The following SH3RF3 variants were observed in gnomAD, a reference collection of about 807,000 sequenced individuals.
SH3RF3 encodes SH3 domain containing ring finger 3.
In SH3RF3, 29 loss-of-function variants were observed where a neutral mutation model predicts 66.3. That is an observed-to-expected ratio of 0.44 (90% CI 0.33 to 0.60). The LOEUF is 0.60. Among genes scored for constraint, SH3RF3 ranks in the 20% least tolerant of loss-of-function variants. The pLI is 0.04. For missense variants in SH3RF3, 1,194 were observed against 1,190.9 expected (o/e 1.00, Z -0.04); for synonymous variants, 583 against 532.0 (o/e 1.10, Z -1.32).
At chr2:109,491,487 G>GTTC (rs1558644043) in intron 9 of SH3RF3, among the ~76,000 whole-genome samples, 6 of 152,134 alleles carry the variant, frequency 3.9e-5, no homozygotes, top group Non-Finnish European at 8.8e-5. Context: ...CATTCATTTC[G>GTTC]ATGCTTACTA....
chr2:109,404,677 G>GC (rs1470515339), intron 4 of SH3RF3, among the ~76,000 whole-genome samples: 3 of 152,212 alleles, frequency 2.0e-5, no homozygotes, highest in Admixed American at 2.0e-4. Context: ...CCCACCGGGT[G>GC]CCCCCTCCCA....
chr2:109,297,281 C>T (rs763425636), intron 1 of SH3RF3, among the ~76,000 whole-genome samples: 6 of 152,098 alleles, frequency 3.9e-5, no homozygotes, highest in African/African-American at 9.7e-5. Flanking sequence ...AAATGCTGTA[C>T]GTAACAGAGA....
Position 109,347,784 on chromosome 2 carries a change from TG to T in SH3RF3, c.685del (p.Glu229AsnfsTer41). 1 of 1,613,978 alleles carries T rather than the reference TG, an allele frequency of 6.2e-7. No homozygotes were observed. Among genetic ancestry groups the T allele is most frequent in the Non-Finnish European group, 8.5e-7 (1 of 1,179,884 alleles). On this transcript the variant is annotated frameshift_variant, in exon 2 of 10. Transcript: ENST00000309415. LOFTEE classifies it high-confidence loss of function. ...TCATCGTCCTGCGGCGCAAGGTGGA[TG>T]AACAGTGGTACCACGGCGAGCTGCA... ...DIIVLRRKVD[E>X]QWYHGELHGT...
chr2:109,456,107 C>T (rs972892508), intron 8 of SH3RF3, among the ~76,000 whole-genome samples: 1 of 152,212 alleles, frequency 6.6e-6, no homozygotes, highest in Non-Finnish European at 1.5e-5. Flanking sequence ...TTGGGAACCT[C>T]AGGTCTGCCG....
chr2:109,388,824 CAG>C (rs1203406929), intron 3 of SH3RF3, among the ~76,000 whole-genome samples: 2 of 117,374 alleles, frequency 1.7e-5, no homozygotes, highest in African/African-American at 6.9e-5. Context: ...TCTGGGATGT[CAG>C]AGAGAGACTA....
intron 1 of SH3RF3, among the ~76,000 whole-genome samples, chr2:109,136,873 C>G (rs1292201228): frequency 1.3e-5 from 2 of 152,128 alleles, no homozygotes; most frequent in Non-Finnish European, 2.9e-5. Context: ...TGCAGCCGGG[C>G]TCTCTGAGAG....
At chr2:109,475,459 G>A (rs1305431624) in intron 8 of SH3RF3, among the ~76,000 whole-genome samples, 1 of 152,208 alleles carries the variant, frequency 6.6e-6, no homozygotes, top group Non-Finnish European at 1.5e-5. Flanking sequence ...GCAAAAGCTG[G>A]GAGAGGAATG....
At chr2:109,130,256 T>C (rs1676657863) in intron 1 of SH3RF3, 143 bp downstream of exon 1, 2 of 837,468 alleles carry the variant, frequency 2.4e-6, no homozygotes, top group Non-Finnish European at 3.2e-6. Flanking sequence ...TTCCTCCAAC[T>C]TCGCTTGCTT....
intron 1 of SH3RF3, among the ~76,000 whole-genome samples, chr2:109,175,851 TC>T (rs1677902220): frequency 6.6e-6 from 1 of 152,222 alleles, no homozygotes; most frequent in Admixed American, 6.5e-5. Flanking sequence ...TTTAAACATG[TC>T]TTTTAGTTTT....
In SH3RF3 at chr2:109,254,755, T is replaced by C. The variant is rs548558276; in HGVS notation, c.574-92919T>C. Among the ~76,000 whole-genome samples the C allele has an allele frequency of 3.9e-5, 6 of 152,256 alleles. No homozygotes were observed. The East Asian group carries it at 7.7e-4, about 20-fold the overall frequency. ...GAGGAGCCTCTCATTGCCGGGACTT[T>C]AGTGGCTCGGGACAGTGCCCCATGA... On this transcript the variant is annotated intron_variant, in intron 1 of 9. Coordinates refer to ENST00000309415, the MANE Select transcript of SH3RF3 (RefSeq NM_001099289.3).
Position 109,212,147 on chromosome 2 carries a change from C to A in SH3RF3, c.573+82034C>A, listed in dbSNP as rs533780628. 2.0e-5 allele frequency among the ~76,000 whole-genome samples: 3 copies of A among 152,294 alleles called. No homozygotes were observed. In the East Asian group the frequency reaches 5.8e-4, roughly 29 times the overall value. Reference sequence around the variant, plus strand: ...TGGTCCGAATCGAGCCTCTGGGTGGCTGTGGTTTTGTTTGGCTTCTGGATG... The same window carrying A: ...TGGTCCGAATCGAGCCTCTGGGTGGATGTGGTTTTGTTTGGCTTCTGGATG... On this transcript the variant is annotated intron_variant, in intron 1 of 9. Coordinates refer to ENST00000309415, the MANE Select transcript of SH3RF3 (RefSeq NM_001099289.3).
intron 1 of SH3RF3, among the ~76,000 whole-genome samples, chr2:109,185,250 G>A (rs1298940388): frequency 3.3e-5 from 5 of 152,228 alleles, no homozygotes; most frequent in Admixed American, 6.5e-5. Context: ...ACAGGGACAT[G>A]TTATCAGGTA....
intron 3 of SH3RF3, among the ~76,000 whole-genome samples, chr2:109,381,911 G>A (rs1675686381): frequency 6.6e-6 from 1 of 152,088 alleles, no homozygotes; most frequent in African/African-American, 2.4e-5. Flanking sequence ...AAACATGTAC[G>A]TAACACACAT....
intron 1 of SH3RF3, among the ~76,000 whole-genome samples, chr2:109,272,984 A>G (rs1291155612): frequency 2.0e-5 from 3 of 152,198 alleles, no homozygotes; most frequent in African/African-American, 7.2e-5. Flanking sequence ...TACTGGAAGA[A>G]ATTAAAACAG....
chr2:109,169,297 G>T (rs975190558), intron 1 of SH3RF3, among the ~76,000 whole-genome samples: 9 of 151,780 alleles, frequency 5.9e-5, no homozygotes, highest in African/African-American at 2.2e-4. Context: ...TATTATTTTT[G>T]CCAAGTTCAT....
chr2:109,428,794 A>G (rs1031281099), intron 5 of SH3RF3, among the ~76,000 whole-genome samples: 8 of 152,084 alleles, frequency 5.3e-5, no homozygotes, highest in Admixed American at 1.3e-4. Flanking sequence ...TGCCCTGAGC[A>G]CTCCGCAGGG....
At chr2:109,327,647 C>T (rs1682189969) in intron 1 of SH3RF3, among the ~76,000 whole-genome samples, 1 of 152,202 alleles carries the variant, frequency 6.6e-6, no homozygotes, top group South Asian at 2.1e-4. Flanking sequence ...TCTTTAATAT[C>T]TTTTAGTAAA....
intron 1 of SH3RF3, among the ~76,000 whole-genome samples, chr2:109,316,769 T>G (rs147944010): frequency 1.2e-3 from 183 of 152,248 alleles, no homozygotes; most frequent in African/African-American, 4.1e-3. Flanking sequence ...CTCAGTACTT[T>G]CCCTGCCCTT....
At position 109,414,224 on chromosome 2, in the gene SH3RF3, C is replaced by T. The variant is rs147795028; in HGVS notation, c.1300-5315C>T. ...CCTGTTGGCTTCAGGACAACGATCA[C>T]GAGCCTTTGTTGAGGGCCTATTCTG... On this transcript the variant is annotated intron_variant, in intron 4 of 9. Transcript: ENST00000309415. Among the ~76,000 whole-genome samples the T allele has an allele frequency of 1.4e-4, 21 of 152,280 alleles. No individual in the cohort carries two copies. In the East Asian group the frequency reaches 2.9e-3, roughly 21 times the overall value.
Sources: allele counts gnomAD v4.1 joint callset (sites outside exome capture counted in the v4.1 genomes callset), GRCh38; gene constraint gnomAD v4.1.1; transcripts MANE v1.5; gene names NCBI Gene and HGNC (gene_info 2026-07-23, HGNC 2026-07-21).